ERC2: variants seen among roughly 807,000 people sequenced by gnomAD.
The protein encoded by ERC2 is ELKS/RAB6-interacting/CAST family member 2, also known as ERC protein 2.
In ERC2, 42 loss-of-function variants were observed where a neutral mutation model predicts 114.8. The observed-to-expected ratio is 0.37, with a 90% CI of 0.29 to 0.47. The LOEUF is 0.47. Among genes scored for constraint, ERC2 ranks in the 20% least tolerant of loss-of-function variants. ERC2 has a pLI of 0.99. For synonymous variants in ERC2, 454 were observed against 425.5 expected (o/e 1.07, Z -0.82); for missense variants, 939 against 1,150.7 (o/e 0.82, Z 2.66).
At chr3:56,054,392 T>C (rs1401666804) in intron 7 of ERC2, among the ~76,000 whole-genome samples, 1 of 152,184 alleles carries the variant, frequency 6.6e-6, no homozygotes, top group Non-Finnish European at 1.5e-5. Flanking sequence ...GCACCCAATT[T>C]TGAGATAACA....
intron 3 of ERC2, among the ~76,000 whole-genome samples, chr3:56,292,009 TA>T (rs1176513424): frequency 6.6e-6 from 1 of 152,198 alleles, no homozygotes; most frequent in Non-Finnish European, 1.5e-5. Flanking sequence ...AAGCACTTTT[TA>T]TTTTCTAGCA....
rs201544979 is a variant in ERC2, at chr3:56,186,114, T to TAAAAAAA, written c.1075-12601_1075-12595dup. 2.2e-3 allele frequency among the ~76,000 whole-genome samples: 224 copies of TAAAAAAA among 102,466 alleles called. 14 individuals are homozygous for TAAAAAAA. The highest frequency in any genetic ancestry group is 6.8e-3 in the Middle Eastern group (1 of 146). 67.2% of individuals were successfully genotyped at this position (102,466 alleles called of 152,430 possible). ...GAAAGCATATACATCTCAAGAACCT[T>TAAAAAAA]AAAAAAAAAAAAAAAAAAAAAAAAA... On this transcript the variant is annotated intron_variant, in intron 3 of 17. Coordinates refer to ENST00000288221, the MANE Select transcript of ERC2 (RefSeq NM_015576.3).
chr3:55,953,630 C>A (rs1266497889), intron 12 of ERC2, among the ~76,000 whole-genome samples: 1 of 152,114 alleles, frequency 6.6e-6, no homozygotes, highest in Non-Finnish European at 1.5e-5. Flanking sequence ...TACCAGATAA[C>A]CCCTCTCTCA....
At chr3:56,032,917 A>AAGAGAGAGAGACAGAC (rs2074481749) in intron 7 of ERC2, among the ~76,000 whole-genome samples, 1 of 75,964 alleles carries the variant, frequency 1.3e-5, no homozygotes, top group Non-Finnish European at 2.9e-5. Context: ...GAAAGAAAGA[A>AAGAGAGAGAGACAGAC]AGAAAGAAAG....
At chr3:55,741,458 T>C (rs1422058666) in intron 14 of ERC2, among the ~76,000 whole-genome samples, 10 of 152,254 alleles carry the variant, frequency 6.6e-5, no homozygotes, top group Admixed American at 5.9e-4. Flanking sequence ...AAAATCATTA[T>C]TTTCCCCAAT....
chr3:55,694,393 CA>C (rs1221467195), intron 16 of ERC2, among the ~76,000 whole-genome samples: 1 of 152,130 alleles, frequency 6.6e-6, no homozygotes, highest in Non-Finnish European at 1.5e-5. Context: ...GAACATGGGA[CA>C]AAGAATCTGA....
chr3:55,748,103 A>G (rs2066425682), intron 14 of ERC2, among the ~76,000 whole-genome samples: 2 of 152,176 alleles, frequency 1.3e-5, no homozygotes, highest in Non-Finnish European at 2.9e-5. Flanking sequence ...CCAAGAAACA[A>G]TGGTATAGAA....
At chr3:56,464,779 A>G (rs2063466493) in intron 1 of ERC2, among the ~76,000 whole-genome samples, 1 of 152,172 alleles carries the variant, frequency 6.6e-6, no homozygotes, top group Non-Finnish European at 1.5e-5. Flanking sequence ...TAAAATATAA[A>G]GGAATAGTGT....
chr3:55,875,690 T>TCACACACACA (rs71621803), intron 14 of ERC2, among the ~76,000 whole-genome samples: 65 of 144,726 alleles, frequency 4.5e-4, no homozygotes, highest in African/African-American at 1.6e-3. Context: ...CTAAACTCAT[T>TCACACACACA]CACACACACA....
rs183731063 is a variant in ERC2, at chr3:56,265,053, A to T, written c.1074+30966T>A. Reference sequence around the variant, plus strand: ...ATCCAAAGCAGTCTACAGGTTCAACATAATCTCTATTAACATTCCAAAGTC... The same window carrying T: ...ATCCAAAGCAGTCTACAGGTTCAACTTAATCTCTATTAACATTCCAAAGTC... On this transcript the variant is annotated intron_variant, in intron 3 of 17. Transcript: ENST00000288221. Among the ~76,000 whole-genome samples, 189 of 152,358 alleles carry T rather than the reference A, an allele frequency of 1.2e-3. 1 individual carries two copies. The highest frequency in any genetic ancestry group is 1.7e-3 in the Non-Finnish European group (118 of 68,032).
intron 13 of ERC2, among the ~76,000 whole-genome samples, chr3:55,933,104 G>C (rs2066211168): frequency 6.6e-6 from 1 of 151,840 alleles, no homozygotes; most frequent in Non-Finnish European, 1.5e-5. Flanking sequence ...ACCTACTCGA[G>C]AGGCTGAGGC....
At chr3:56,276,554 G>A (rs559353971) in intron 3 of ERC2, among the ~76,000 whole-genome samples, 1 of 150,450 alleles carries the variant, frequency 6.6e-6, no homozygotes, top group South Asian at 2.1e-4. Flanking sequence ...TTTGACTAAA[G>A]TAACCATGGC....
rs749522256 is a variant in ERC2 at position 55,950,488 on chromosome 3, A to G, written c.2340T>C (p.Ala780=). ...GCCTGCGCACTTCTTCTAGTAACTGAGCATTTTTCTTCTTTTCCAACTGTT... is the reference window on the plus strand; with the variant it reads ...GCCTGCGCACTTCTTCTAGTAACTGGGCATTTTTCTTCTTTTCCAACTGTT... ...HNQQLEKKKN[A]QLLEEVRRRE... Residue 780 remains alanine, a synonymous_variant, in exon 13 of 18, where the codon GCT becomes GCC. Transcript: ENST00000288221. 6.2e-7 allele frequency: 1 copy of G among 1,614,020 alleles called. No individual in the cohort carries two copies. The highest frequency in any genetic ancestry group is 1.3e-5 in the African/African-American group (1 of 75,052).
At chr3:55,695,482 T>A (rs1170091730) in intron 16 of ERC2, among the ~76,000 whole-genome samples, 1 of 152,208 alleles carries the variant, frequency 6.6e-6, no homozygotes, top group Non-Finnish European at 1.5e-5. Context: ...TTCTCTTACA[T>A]CTTCTCCAAA....
chr3:56,005,273 CT>C (rs1197960938), intron 10 of ERC2, among the ~76,000 whole-genome samples: 1 of 151,830 alleles, frequency 6.6e-6, no homozygotes, highest in Non-Finnish European at 1.5e-5. Flanking sequence ...TACTTTAATT[CT>C]AGTGACGTGG....
At chr3:55,926,216 G>A (rs1364723736) in intron 13 of ERC2, among the ~76,000 whole-genome samples, 1 of 152,044 alleles carries the variant, frequency 6.6e-6, no homozygotes, top group Non-Finnish European at 1.5e-5. Flanking sequence ...CCAGTCATGG[G>A]TAACTAAATT....
intron 14 of ERC2, among the ~76,000 whole-genome samples, chr3:55,799,078 A>G (rs1031068864): frequency 1.6e-4 from 25 of 152,146 alleles, no homozygotes; most frequent in African/African-American, 5.6e-4. Context: ...AGGGGGATTC[A>G]TCGGTCACAG....
At chr3:55,903,561 T>G (rs180866442) in intron 13 of ERC2, among the ~76,000 whole-genome samples, 1 of 152,188 alleles carries the variant, frequency 6.6e-6, no homozygotes, top group Admixed American at 6.5e-5. Context: ...AATAAAACCA[T>G]GATACCCAGA....
chr3:56,189,339 A>G (rs1423299563), intron 3 of ERC2, among the ~76,000 whole-genome samples: 1 of 152,214 alleles, frequency 6.6e-6, no homozygotes, highest in Non-Finnish European at 1.5e-5. Context: ...AAGAGCTCAA[A>G]TAAGAACCAT....
Sources: gnomAD v4.1 joint callset for allele counts (sites outside exome capture counted in the v4.1 genomes callset) on GRCh38, gnomAD v4.1.1 for gene constraint, MANE v1.5 for transcripts, NCBI Gene and HGNC (gene_info 2026-07-23, HGNC 2026-07-21) for gene names.